The following SDC2 variants were observed in gnomAD, a reference collection of about 807,000 sequenced individuals.
SDC2 encodes the protein syndecan 2.
A neutral mutation model predicts 22.2 loss-of-function variants in SDC2; 13 were observed. That is an observed-to-expected ratio of 0.59 (90% CI 0.38 to 0.93). The LOEUF is 0.93. SDC2 is among the 40% of genes least tolerant of loss of function. The pLI is 0.00. For synonymous variants in SDC2, 94 were observed against 92.8 expected (o/e 1.01, Z -0.07); for missense variants, 235 against 246.8 (o/e 0.95, Z 0.32).
intron 1 of SDC2, among the ~76,000 whole-genome samples, chr8:96,527,725 A>G (rs1813600730): frequency 6.6e-6 from 1 of 152,212 alleles, no homozygotes; most frequent in African/African-American, 2.4e-5. Context: ...GGGTGCATTT[A>G]AAAGGCACTG....
At chr8:96,526,802 T>C (rs1287162138) in intron 1 of SDC2, among the ~76,000 whole-genome samples, 1 of 152,096 alleles carries the variant, frequency 6.6e-6, no homozygotes, top group Non-Finnish European at 1.5e-5. Context: ...GGGCTCCTGA[T>C]TTTCCCCTGA....
At chr8:96,553,309 A>G (rs1423378454) in intron 1 of SDC2, among the ~76,000 whole-genome samples, 2 of 152,148 alleles carry the variant, frequency 1.3e-5, no homozygotes, top group Admixed American at 6.5e-5. Flanking sequence ...TGCAGGCTCT[A>G]TGTGAAAATG....
intron 1 of SDC2, among the ~76,000 whole-genome samples, chr8:96,571,967 A>T (rs1814402695): frequency 6.6e-6 from 1 of 152,116 alleles, no homozygotes; most frequent in Non-Finnish European, 1.5e-5. Flanking sequence ...GGACAAGTAA[A>T]TTGAAGGGTT....
intron 1 of SDC2, among the ~76,000 whole-genome samples, chr8:96,576,384 GT>G (rs1236267155): frequency 7.8e-5 from 4 of 50,994 alleles, no homozygotes; most frequent in East Asian, 3.6e-4. Flanking sequence ...GTTTTGTTTT[GT>G]TTTTTTTTAC....
At chr8:96,504,755 AT>A (rs766546312) in intron 1 of SDC2, among the ~76,000 whole-genome samples, 1 of 152,220 alleles carries the variant, frequency 6.6e-6, no homozygotes, top group African/African-American at 2.4e-5. Context: ...TATGGGACAT[AT>A]ATTTTCACAA....
chr8:96,513,276 C>T (rs1280176740), intron 1 of SDC2, among the ~76,000 whole-genome samples: 2 of 152,036 alleles, frequency 1.3e-5, no homozygotes, highest in African/African-American at 4.8e-5. Context: ...TTTCATTTGC[C>T]CAGAACTTTG....
At chr8:96,591,782 C>T (rs1478780706) in intron 1 of SDC2, among the ~76,000 whole-genome samples, 1 of 151,932 alleles carries the variant, frequency 6.6e-6, no homozygotes, top group Non-Finnish European at 1.5e-5. Flanking sequence ...CGGAGAATGG[C>T]TTTTTCATGG....
intron 1 of SDC2, among the ~76,000 whole-genome samples, chr8:96,502,996 C>T (rs980171551): frequency 2.0e-5 from 3 of 152,272 alleles, no homozygotes; most frequent in Admixed American, 1.3e-4. Flanking sequence ...TTTTTCATAA[C>T]AGGGGCTTTC....
intron 1 of SDC2, among the ~76,000 whole-genome samples, chr8:96,560,796 A>G (rs1426792078): frequency 6.6e-6 from 1 of 152,048 alleles, no homozygotes; most frequent in Non-Finnish European, 1.5e-5. Context: ...TACCAGGTTA[A>G]GAGCCCCTTT....
At chr8:96,509,939 A>G (rs1025601553) in intron 1 of SDC2, among the ~76,000 whole-genome samples, 11 of 151,854 alleles carry the variant, frequency 7.2e-5, no homozygotes, top group African/African-American at 2.7e-4. Context: ...TCTTTTGACT[A>G]TTATTTTGGT....
At chr8:96,502,276 T>C (rs1292979168) in intron 1 of SDC2, among the ~76,000 whole-genome samples, 1 of 152,140 alleles carries the variant, frequency 6.6e-6, no homozygotes, top group Non-Finnish European at 1.5e-5. Context: ...AAGAAAAGTA[T>C]AGGGGAAACC....
At chr8:96,558,232 T>C (rs1814152050) in intron 1 of SDC2, among the ~76,000 whole-genome samples, 1 of 152,118 alleles carries the variant, frequency 6.6e-6, no homozygotes, top group African/African-American at 2.4e-5. Flanking sequence ...TTTGCCCTGA[T>C]TCTTGGGAAA....
At chr8:96,583,353 T>G (rs1427076968) in intron 1 of SDC2, among the ~76,000 whole-genome samples, 2 of 143,002 alleles carry the variant, frequency 1.4e-5, no homozygotes, top group East Asian at 2.0e-4. Flanking sequence ...AAATATATAT[T>G]ATATATATTA....
intron 2 of SDC2, among the ~76,000 whole-genome samples, chr8:96,600,155 AAAAG>A (rs898615479): frequency 6.6e-6 from 1 of 152,176 alleles, no homozygotes; most frequent in Non-Finnish European, 1.5e-5. Flanking sequence ...CAAGAAAAGA[AAAAG>A]AAAGAAGTGA....
intron 1 of SDC2, among the ~76,000 whole-genome samples, chr8:96,558,087 A>G (rs1208407471): frequency 1.3e-5 from 2 of 152,060 alleles, no homozygotes; most frequent in Non-Finnish European, 2.9e-5. Context: ...TGAGAGAAGG[A>G]TTCATTCTGT....
At chr8:96,595,647 G>A (rs904573450) in intron 2 of SDC2, among the ~76,000 whole-genome samples, 1 of 152,176 alleles carries the variant, frequency 6.6e-6, no homozygotes. Context: ...ACAGGTTGGC[G>A]AAGTCATTTT....
At chr8:96,586,598 T>G (rs1306806447) in intron 1 of SDC2, 1 of 152,164 alleles carries the variant, frequency 6.6e-6, no homozygotes, top group Non-Finnish European at 1.5e-5. Context: ...AATTCTGTCA[T>G]CTCCCAGACC....
intron 1 of SDC2, among the ~76,000 whole-genome samples, chr8:96,562,630 T>TA (rs1316671750): frequency 6.6e-6 from 1 of 152,230 alleles, no homozygotes; most frequent in Non-Finnish European, 1.5e-5. Flanking sequence ...ACTGATGAGA[T>TA]AATTACAGCA....
At position 96,609,702 on chromosome 8, in the gene SDC2, T is replaced by C. The variant is rs942847720; in HGVS notation, c.*154T>C. 1.8e-5 allele frequency: 9 copies of C among 500,588 alleles called. No homozygotes were observed. The highest frequency in any genetic ancestry group is 1.8e-4 in the African/African-American group (9 of 50,440). 31.0% of individuals were successfully genotyped at this position (500,588 alleles called of 1,614,324 possible). On this transcript the variant is annotated 3_prime_UTR_variant, in exon 5 of 5. Transcript: ENST00000302190. ...CCCATTGTATTTAAAACATTTCATG[T>C]ATTTCTTTAGAACAACATAAAATTA...
Sources: gnomAD v4.1 joint callset for allele counts (sites outside exome capture counted in the v4.1 genomes callset) on GRCh38, gnomAD v4.1.1 for gene constraint, MANE v1.5 for transcripts, NCBI Gene and HGNC (gene_info 2026-07-23, HGNC 2026-07-21) for gene names.